Variants in BMP6 observed in about 807,000 individuals in gnomAD.
The protein encoded by BMP6 is VG-1-R.
BMP6 carries 17 observed loss-of-function variants against 54.1 expected under a neutral mutation model. That is an observed-to-expected ratio of 0.31 (90% CI 0.22 to 0.47). The LOEUF (loss-of-function observed/expected upper bound fraction) is 0.47, where lower values mean the gene tolerates loss of function less well. Among genes scored for constraint, BMP6 ranks in the 20% least tolerant of loss-of-function variants. The pLI is 1.00. For missense variants in BMP6, 720 were observed against 690.4 expected, an observed-to-expected ratio of 1.04 and a Z score of -0.48; for synonymous variants, 328 against 291.2, an observed-to-expected ratio of 1.13 and a Z score of -1.28.
At chr6:7,741,544 A>C (rs1346281068) in intron 1 of BMP6, among the ~76,000 whole-genome samples, 1 of 113,152 alleles carries the variant, frequency 8.8e-6, no homozygotes, top group African/African-American at 2.9e-5. Context: ...TGATCCTCCC[A>C]CCTCAGCCTC....
At chr6:7,839,072 T>C (rs1758924109) in intron 1 of BMP6, among the ~76,000 whole-genome samples, 1 of 152,106 alleles carries the variant, frequency 6.6e-6, no homozygotes, top group Non-Finnish European at 1.5e-5. Flanking sequence ...GGTAGAATAA[T>C]CAAGTGTCAT....
chr6:7,771,832 C>A (rs1757793448), intron 1 of BMP6, among the ~76,000 whole-genome samples: 1 of 152,108 alleles, frequency 6.6e-6, no homozygotes, highest in Non-Finnish European at 1.5e-5. Context: ...GCGGGTGGAT[C>A]ACCTGAGGTC....
At chr6:7,855,601 GCTCAGGCTGGGGTGCAGTGGCACAAT>G (rs1759216251) in intron 2 of BMP6, among the ~76,000 whole-genome samples, 1 of 120,196 alleles carries the variant, frequency 8.3e-6, no homozygotes, top group Admixed American at 1.2e-4. Context: ...GTGCTCTGTC[GCTCAGGCTGGGGTGCAGTGGCACAAT>G]CTCAGCTCAC....
intron 1 of BMP6, among the ~76,000 whole-genome samples, chr6:7,783,269 TG>T (rs1406500241): frequency 6.6e-6 from 1 of 152,212 alleles, no homozygotes; most frequent in Non-Finnish European, 1.5e-5. Flanking sequence ...AATGGATGAT[TG>T]AAAAGGTAAA....
At chr6:7,875,459 CTT>C (rs1351249876) in intron 4 of BMP6, among the ~76,000 whole-genome samples, 4 of 152,154 alleles carry the variant, frequency 2.6e-5, no homozygotes, top group Admixed American at 2.6e-4. Context: ...AGGAGGCTTG[CTT>C]GAGGCTAGGA....
chr6:7,808,075 C>T (rs563418164), intron 1 of BMP6, among the ~76,000 whole-genome samples: 46 of 152,066 alleles, frequency 3.0e-4, no homozygotes, highest in Admixed American at 5.2e-4. Context: ...CACCCGCCAC[C>T]ACACCCGGCT....
intron 1 of BMP6, among the ~76,000 whole-genome samples, chr6:7,778,468 C>T: frequency 7.4e-6 from 1 of 135,448 alleles, no homozygotes; most frequent in South Asian, 2.2e-4. Flanking sequence ...TGGCAGAGTC[C>T]ACATGTGTTG....
At chr6:7,868,128 A>C (rs1346568173) in intron 4 of BMP6, among the ~76,000 whole-genome samples, 1 of 152,224 alleles carries the variant, frequency 6.6e-6, no homozygotes, top group Non-Finnish European at 1.5e-5. Context: ...TTTGCAGGAC[A>C]GTTCCATATT....
At chr6:7,869,950 GCC>G (rs917396764) in intron 4 of BMP6, among the ~76,000 whole-genome samples, 4 of 152,224 alleles carry the variant, frequency 2.6e-5, no homozygotes. Flanking sequence ...ACCCCTGATG[GCC>G]CCCAGGAAGG....
chr6:7,848,408 A>T (rs1303041709), intron 2 of BMP6, among the ~76,000 whole-genome samples: 1 of 152,170 alleles, frequency 6.6e-6, no homozygotes, highest in Non-Finnish European at 1.5e-5. Context: ...AGACCACGAG[A>T]TACCACCTGG....
chr6:7,818,349 T>A (rs1207575966), intron 1 of BMP6, among the ~76,000 whole-genome samples: 1 of 152,204 alleles, frequency 6.6e-6, no homozygotes, highest in Non-Finnish European at 1.5e-5. Flanking sequence ...CAGAAAAGAT[T>A]TTGGAATCTT....
chr6:7,809,204 G>C (rs539303905), intron 1 of BMP6, among the ~76,000 whole-genome samples: 1 of 147,026 alleles, frequency 6.8e-6, no homozygotes, highest in East Asian at 2.0e-4. Context: ...GTTTATTTAA[G>C]TGGAACTTTC....
At chr6:7,738,592 C>T (rs923297094) in intron 1 of BMP6, among the ~76,000 whole-genome samples, 1 of 152,190 alleles carries the variant, frequency 6.6e-6, no homozygotes, top group Non-Finnish European at 1.5e-5. Context: ...AGAAGGTTCT[C>T]TGTTCCAGGT....
intron 1 of BMP6, among the ~76,000 whole-genome samples, chr6:7,739,349 C>T (rs562630051): frequency 3.5e-4 from 53 of 152,288 alleles, no homozygotes; most frequent in Middle Eastern, 3.4e-3. Flanking sequence ...GACATTTTCC[C>T]TATGCTCATC....
Position 7,841,985 on chromosome 6 carries a change from C to T in BMP6, c.665-3155C>T, listed in dbSNP as rs188225319. Reference sequence around the variant, plus strand: ...GCATTTGCCAAGATTCTTCCTTAGTCGTACATATGGGCTCCCAGCATTGCA... The same window carrying T: ...GCATTTGCCAAGATTCTTCCTTAGTTGTACATATGGGCTCCCAGCATTGCA... On this transcript the variant is annotated intron_variant, in intron 1 of 6. Transcript: ENST00000283147. Among the ~76,000 whole-genome samples, 42 of 152,246 alleles carry T rather than the reference C, an allele frequency of 2.8e-4. 1 individual carries two copies. Among genetic ancestry groups the T allele is most frequent in the Admixed American group, 1.2e-3 (18 of 15,292 alleles).
intron 2 of BMP6, among the ~76,000 whole-genome samples, chr6:7,854,240 A>G (rs1024604695): frequency 2.6e-5 from 4 of 152,200 alleles, no homozygotes; most frequent in African/African-American, 9.6e-5. Flanking sequence ...TCTCCATACT[A>G]TGTTGTCCAG....
intron 1 of BMP6, among the ~76,000 whole-genome samples, chr6:7,799,056 T>G (rs1758232944): frequency 6.6e-6 from 1 of 152,160 alleles, no homozygotes; most frequent in South Asian, 2.1e-4. Flanking sequence ...AGCCGAAGAG[T>G]AACAAGCTTA....
At chr6:7,779,205 C>T (rs576528791) in intron 1 of BMP6, among the ~76,000 whole-genome samples, 2 of 152,326 alleles carry the variant, frequency 1.3e-5, no homozygotes, top group East Asian at 1.9e-4. Context: ...AAATCCAGTA[C>T]GTTATTGAAG....
At chr6:7,840,249 G>A (rs756298687) in intron 1 of BMP6, among the ~76,000 whole-genome samples, 11 of 152,208 alleles carry the variant, frequency 7.2e-5, no homozygotes, top group Non-Finnish European at 1.0e-4. Context: ...CACACATGCA[G>A]TAGAATTGTT....
Sources: allele counts gnomAD v4.1 joint callset (sites outside exome capture counted in the v4.1 genomes callset), GRCh38; gene constraint gnomAD v4.1.1; transcripts MANE v1.5; gene names NCBI Gene and HGNC (gene_info 2026-07-23, HGNC 2026-07-21).